Variants in PABPC3 observed in about 807,000 individuals in gnomAD.
PABPC3 encodes the protein polyadenylate-binding protein 3.
In PABPC3, 43 loss-of-function variants were observed where a neutral mutation model predicts 43.0. The observed-to-expected ratio is 1.00, with a 90% CI of 0.78 to 1.29. The LOEUF (loss-of-function observed/expected upper bound fraction) is 1.29. PABPC3 is among the 50% of genes most tolerant of loss of function. PABPC3 has a pLI of 0.00. For missense variants in PABPC3, 784 were observed against 798.1 expected (o/e 0.98, Z 0.21); for synonymous variants, 221 against 274.6 (o/e 0.80, Z 1.93).
At position 25,096,137 on chromosome 13, in the gene PABPC3, C is replaced by T; in HGVS notation, c.-62C>T. ...TCCGGCTACGCCCCCGGCCCCGGCA[C>T]GCGCTCTACTCCTGTAACGGAAAGG... On this transcript the variant is annotated 5_prime_UTR_variant, in exon 1 of 1. In the 5' UTR this introduces an upstream ATG that the reference lacks. Coordinates refer to ENST00000281589, the MANE Select transcript of PABPC3 (RefSeq NM_030979.3). The T allele has an allele frequency of 2.0e-6, 3 of 1,516,388 alleles. 1 individual carries two copies. Among genetic ancestry groups the T allele is most frequent in the South Asian group, 2.5e-5 (2 of 79,160 alleles). The allele number at this position is 1,516,388 out of a possible 1,614,324, so 93.9% of individuals were successfully genotyped here. A position where few individuals can be genotyped will look rare whatever the true frequency, so the allele number is the denominator to read the frequency against.
chr13:25,096,259 G>C lies in PABPC3; in HGVS notation c.61G>C (p.Asp21His). The change falls in exon 1 of 1, where the codon GAC (aspartate) becomes CAC (histidine). Residue 21 changes from aspartate (D) to histidine (H), a missense_variant. Asp to His is a moderately conservative substitution (Grantham distance 81, BLOSUM62 -1). Transcript: ENST00000281589. Reference sequence around the variant, plus strand: ...GCTCTACGTGGGGGACCTCCACCCCGACGTGACTGAGGCGATGCTCTACGA... The same window carrying C: ...GCTCTACGTGGGGGACCTCCACCCCCACGTGACTGAGGCGATGCTCTACGA... ...ASLYVGDLHPDVTEAMLYEKF... is the reference protein window; with the variant it reads ...ASLYVGDLHPHVTEAMLYEKF... The C allele has an allele frequency of 6.2e-7, 1 of 1,614,226 alleles. No individual in the cohort carries two copies.
rs1956066610 is a variant in PABPC3 at position 25,099,241 on chromosome 13, A to G, written c.*1147A>G. On this transcript the variant is annotated 3_prime_UTR_variant, in exon 1 of 1. Coordinates refer to ENST00000281589, the MANE Select transcript of PABPC3 (RefSeq NM_030979.3). Reference sequence around the variant, plus strand: ...ATACCATATTACTTTGCAATAAACTATGTATTATAGAGAGATGGTCACTAT... The same window carrying G: ...ATACCATATTACTTTGCAATAAACTGTGTATTATAGAGAGATGGTCACTAT... The G allele has an allele frequency of 6.0e-6, 1 of 165,736 alleles. No homozygotes were observed. The highest frequency in any genetic ancestry group is 2.1e-4 in the South Asian group (1 of 4,820). The allele number at this position is 165,736 out of a possible 1,614,324, so 10.3% of individuals were successfully genotyped here.
At position 25,098,685 on chromosome 13, in the gene PABPC3, A is replaced by G. The variant is rs1203404868; in HGVS notation, c.*591A>G. 1 of 166,824 alleles carries G rather than the reference A, an allele frequency of 6.0e-6. No homozygotes were observed. 10.3% of individuals were successfully genotyped at this position (166,824 alleles called of 1,614,324 possible). A position where few individuals can be genotyped will look rare whatever the true frequency, so the allele number is the denominator to read the frequency against. The stretch of plus-strand genomic sequence containing the variant: ...CACCAAAATTTTAGGTCTTTACATA[A>G]TAGTGTTTATTTTTAATATTCATAA... On this transcript the variant is annotated 3_prime_UTR_variant, in exon 1 of 1. Coordinates refer to ENST00000281589, the MANE Select transcript of PABPC3 (RefSeq NM_030979.3).
chr13:25,097,240 A>C lies in PABPC3; in HGVS notation c.1042A>C (p.Lys348Gln). The stretch of plus-strand genomic sequence containing the variant: ...TTTCTCCTCCCCAGAAGAAGCCACT[A>C]AAGCAGTTACAGAAATGAACGGTAG... ...VCFSSPEEAT[K>Q]AVTEMNGRIV... The change falls in exon 1 of 1, where the codon AAA (lysine) becomes CAA (glutamine). Residue 348 changes from lysine to glutamine, a missense_variant. Lys to Gln is a moderately conservative substitution (Grantham distance 53, BLOSUM62 1). Transcript: ENST00000281589. The C allele has an allele frequency of 6.2e-7, 1 of 1,614,302 alleles. No homozygotes were observed. Among genetic ancestry groups the C allele is most frequent in the African/African-American group, 1.3e-5 (1 of 75,088 alleles).
At position 25,096,155 on chromosome 13, in the gene PABPC3, C is replaced by G. The variant is rs750347456; in HGVS notation, c.-44C>G. On this transcript the variant is annotated 5_prime_UTR_variant, in exon 1 of 1. Coordinates refer to ENST00000281589, the MANE Select transcript of PABPC3 (RefSeq NM_030979.3). ...CCCGGCACGCGCTCTACTCCTGTAA[C>G]GGAAAGGTCGCGGCTTGTGTGCCTG... 2.5e-6 allele frequency: 4 copies of G among 1,576,834 alleles called. No homozygotes were observed. The African/African-American group carries it at 4.1e-5, about 16-fold the overall frequency.
At position 25,097,491 on chromosome 13, in the gene PABPC3, G is replaced by T. The variant is rs150419749; in HGVS notation, c.1293G>T (p.Trp431Cys). 1.5e-4 allele frequency: 250 copies of T among 1,614,242 alleles called. No individual in the cohort carries two copies. In the East Asian group the frequency reaches 5.0e-3, roughly 33 times the overall value. Residue 431 changes from tryptophan (W) to cysteine (C), a missense_variant, in exon 1 of 1, where the codon TGG (tryptophan) becomes TGT (cysteine). Transcript: ENST00000281589. ...CTCGACTAAGACCAAGTCCTCGCTG[G>T]ACTGCTCAGGGTGCCAGACCTCATC... Reference protein sequence around the residue: ...QIARLRPSPRWTAQGARPHPF... With the variant: ...QIARLRPSPRCTAQGARPHPF...
rs374600584 is a variant in PABPC3, at chr13:25,096,814, C to T, written c.616C>T (p.Arg206Cys). 18 of 1,614,296 alleles carry T rather than the reference C, an allele frequency of 1.1e-5. No homozygotes were observed. Among genetic ancestry groups the T allele is most frequent in the Middle Eastern group, 1.6e-4 (1 of 6,062 alleles). The change falls in exon 1 of 1, where the codon CGC becomes TGC. Residue 206 changes from arginine (R) to cysteine (C), a missense_variant. By Grantham distance (180) the Arg-to-Cys change is radical. Coordinates refer to ENST00000281589, the MANE Select transcript of PABPC3 (RefSeq NM_030979.3). ...KNFGEDMDDE[R>C]LKDLFGKFGP... is the part of the protein sequence containing the mutation. Reference sequence around the variant, plus strand: ...TTTTGGAGAAGACATGGATGATGAGCGCCTTAAGGATCTCTTTGGCAAGTT... The same window carrying T: ...TTTTGGAGAAGACATGGATGATGAGTGCCTTAAGGATCTCTTTGGCAAGTT...
chr13:25,097,689 C>A lies in PABPC3; in HGVS notation c.1491C>A (p.Thr497=), dbSNP rs184056840. 5 of 1,585,246 alleles carry A rather than the reference C, an allele frequency of 3.2e-6. No homozygotes were observed. The Admixed American group carries it at 8.7e-5, about 27-fold the overall frequency. The stretch of plus-strand genomic sequence containing the variant: ...CAGCTGCTGCTGCTGCTGCAGCTAC[C>A]CCTGCTGTGCGCACGGTTCCACGGT... ...RPAAAAAAAA[T]PAVRTVPRYK... is the part of the protein sequence containing the mutation. Residue 497 remains threonine (T), a synonymous_variant, in exon 1 of 1, where the codon ACC becomes ACA. Coordinates refer to ENST00000281589, the MANE Select transcript of PABPC3 (RefSeq NM_030979.3).
Position 25,097,344 on chromosome 13 carries a change from T to C in PABPC3, c.1146T>C (p.Tyr382=). The change falls in exon 1 of 1, where the codon TAT becomes TAC. Residue 382 remains tyrosine (Y), a synonymous_variant. Transcript: ENST00000281589. ...GCCAGGCTTACCTCACTAACGAGTA[T>C]ATGCAGAGAATGGCAAGTGTACGAG... The part of the protein sequence containing the change: ...EERQAYLTNE[Y]MQRMASVRAV... The C allele has an allele frequency of 6.2e-7, 1 of 1,614,244 alleles. No homozygotes were observed.
chr13:25,096,334 T>G lies in PABPC3; in HGVS notation c.136T>G (p.Leu46Val). ...CCTCTCCATCCGGATCTGCAGGGAC[T>G]TGATCACCAGCGGCTCCTCCAACTA... ...PILSIRICRD[L>V]ITSGSSNYAY... The change falls in exon 1 of 1, where the codon TTG becomes GTG. Residue 46 changes from leucine to valine, a missense_variant. Transcript: ENST00000281589. 6.2e-7 allele frequency: 1 copy of G among 1,614,252 alleles called. No homozygotes were observed. The highest frequency in any genetic ancestry group is 8.5e-7 in the Non-Finnish European group (1 of 1,180,048).
Position 25,098,779 on chromosome 13 carries a change from TATTA to T in PABPC3, c.*689_*692del, listed in dbSNP as rs1264222361. 1 of 166,734 alleles carries T rather than the reference TATTA, an allele frequency of 6.0e-6. No individual in the cohort carries two copies. Among genetic ancestry groups the T allele is most frequent in the Non-Finnish European group, 1.5e-5 (1 of 68,066 alleles). The allele number at this position is 166,734 out of a possible 1,614,324, so 10.3% of individuals were successfully genotyped here. On this transcript the variant is annotated 3_prime_UTR_variant, in exon 1 of 1. Transcript: ENST00000281589. ...CATTTGTTCAAAATTGTAAGACAAT[TATTA>T]ATTTATACTGCATTATTTTTAAATA...
rs1956047890 is a variant in PABPC3 at position 25,097,322 on chromosome 13, A to G, written c.1124A>G (p.Gln375Arg). The change falls in exon 1 of 1, where the codon CAG becomes CGG. Residue 375 changes from glutamine (Q) to arginine (R), a missense_variant. Transcript: ENST00000281589. ...VALAQRKEER[Q>R]AYLTNEYMQR... ...TTAGCTCAGCGCAAAGAAGAGCGCCAGGCTTACCTCACTAACGAGTATATG... is the reference window on the plus strand; with the variant it reads ...TTAGCTCAGCGCAAAGAAGAGCGCCGGGCTTACCTCACTAACGAGTATATG... 6.2e-7 allele frequency: 1 copy of G among 1,614,274 alleles called. No individual in the cohort carries two copies. Among genetic ancestry groups the G allele is most frequent in the African/African-American group, 1.3e-5 (1 of 75,070 alleles).
rs1323759735 is a variant in PABPC3, at chr13:25,096,137, C to G, written c.-62C>G. The G allele has an allele frequency of 4.4e-5, 67 of 1,516,270 alleles. No homozygotes were observed. Among genetic ancestry groups the G allele is most frequent in the Middle Eastern group, 2.0e-4 (1 of 4,992 alleles). 93.9% of individuals were successfully genotyped at this position (1,516,270 alleles called of 1,614,324 possible). A position where few individuals can be genotyped will look rare whatever the true frequency, so the allele number is the denominator to read the frequency against. ...TCCGGCTACGCCCCCGGCCCCGGCA[C>G]GCGCTCTACTCCTGTAACGGAAAGG... On this transcript the variant is annotated 5_prime_UTR_variant, in exon 1 of 1. Coordinates refer to ENST00000281589, the MANE Select transcript of PABPC3 (RefSeq NM_030979.3).
chr13:25,097,037 T>C lies in PABPC3; in HGVS notation c.839T>C (p.Phe280Ser), dbSNP rs1168704886. ...VERQTELKRT[F>S]EQMKQDRITR... ...CGGCAGACGGAACTTAAGCGCACATTTGAACAGATGAAGCAAGATAGGATC... is the reference window on the plus strand; with the variant it reads ...CGGCAGACGGAACTTAAGCGCACATCTGAACAGATGAAGCAAGATAGGATC... The change falls in exon 1 of 1, where the codon TTT becomes TCT. Residue 280 changes from phenylalanine to serine, a missense_variant. Phe to Ser is a radical substitution (Grantham distance 155, BLOSUM62 -2). Coordinates refer to ENST00000281589, the MANE Select transcript of PABPC3 (RefSeq NM_030979.3). The C allele has an allele frequency of 1.2e-6, 2 of 1,610,960 alleles. No homozygotes were observed. The highest frequency in any genetic ancestry group is 1.4e-5 in the African/African-American group (1 of 73,988).
rs7990563 is a variant in PABPC3 at position 25,099,122 on chromosome 13, A to T, written c.*1028A>T. 14 of 166,034 alleles carry T rather than the reference A, an allele frequency of 8.4e-5. No homozygotes were observed. The highest frequency in any genetic ancestry group is 3.4e-4 in the African/African-American group (14 of 41,432). 10.3% of individuals were successfully genotyped at this position (166,034 alleles called of 1,614,324 possible). On this transcript the variant is annotated 3_prime_UTR_variant, in exon 1 of 1. Coordinates refer to ENST00000281589, the MANE Select transcript of PABPC3 (RefSeq NM_030979.3). Reference sequence around the variant, plus strand: ...AATATAAATATTTATAATTAATGTTACACCTAGTGAATTGTATAAAAGGAC... The same window carrying T: ...AATATAAATATTTATAATTAATGTTTCACCTAGTGAATTGTATAAAAGGAC...
chr13:25,098,654 C>T lies in PABPC3; in HGVS notation c.*560C>T, dbSNP rs1454094234. The T allele has an allele frequency of 6.0e-6, 1 of 166,536 alleles. No homozygotes were observed. Among genetic ancestry groups the T allele is most frequent in the Non-Finnish European group, 1.5e-5 (1 of 68,086 alleles). 10.3% of individuals were successfully genotyped at this position (166,536 alleles called of 1,614,324 possible). On this transcript the variant is annotated 3_prime_UTR_variant, in exon 1 of 1. Coordinates refer to ENST00000281589, the MANE Select transcript of PABPC3 (RefSeq NM_030979.3). ...CACTATATTTCAAATATGAAAATCA[C>T]TTTTTCACCAAAATTTTAGGTCTTT...
rs1164383827 is a variant in PABPC3, at chr13:25,099,010, GT to G, written c.*919del. ...TTCCTGCTGTAACAAATAAGGATAT[GT>G]TTCATCTACCTCTTCCCACCATCCC... is the stretch of plus-strand genomic sequence containing the variant. On this transcript the variant is annotated 3_prime_UTR_variant, in exon 1 of 1. Coordinates refer to ENST00000281589, the MANE Select transcript of PABPC3 (RefSeq NM_030979.3). 1 of 166,556 alleles carries G rather than the reference GT, an allele frequency of 6.0e-6. No homozygotes were observed. Among genetic ancestry groups the G allele is most frequent in the Non-Finnish European group, 1.5e-5 (1 of 67,972 alleles). The allele number at this position is 166,556 out of a possible 1,614,324, so 10.3% of individuals were successfully genotyped here. A position where few individuals can be genotyped will look rare whatever the true frequency, so the allele number is the denominator to read the frequency against.
In PABPC3 at chr13:25,098,070, T is replaced by G. The variant is rs751726008; in HGVS notation, c.1872T>G (p.Ser624Arg). Residue 624 changes from serine (S) to arginine (R), a missense_variant, in exon 1 of 1, where the codon AGT becomes AGG. Coordinates refer to ENST00000281589, the MANE Select transcript of PABPC3 (RefSeq NM_030979.3). ...AGGCTACCCAGAAAGCAGTTAACAG[T>G]GCTACCGGTGTTCCAACTGTTTAAA... is the stretch of plus-strand genomic sequence containing the variant. The part of the protein sequence containing the change: ...AKEATQKAVN[S>R]ATGVPTV 1.0e-5 allele frequency: 16 copies of G among 1,525,084 alleles called. No homozygotes were observed. Among genetic ancestry groups the G allele is most frequent in the Non-Finnish European group, 1.3e-5 (15 of 1,137,382 alleles). 94.5% of individuals were successfully genotyped at this position (1,525,084 alleles called of 1,614,324 possible). A position where few individuals can be genotyped will look rare whatever the true frequency, so the allele number is the denominator to read the frequency against.
rs750852015 is a variant in PABPC3, at chr13:25,096,762, A to G, written c.564A>G (p.Lys188=). The change falls in exon 1 of 1, where the codon AAA becomes AAG. Residue 188 remains lysine (K), a synonymous_variant. Coordinates refer to ENST00000281589, the MANE Select transcript of PABPC3 (RefSeq NM_030979.3). ...AAGCTGAACTTGGAGCTAGGGCAAA[A>G]GAGTTCCCCAATGTTTACATCAAGA... is the stretch of plus-strand genomic sequence containing the variant. The part of the protein sequence containing the change: ...EREAELGARA[K]EFPNVYIKNF... The G allele has an allele frequency of 6.2e-7, 1 of 1,614,304 alleles. No individual in the cohort carries two copies. Among genetic ancestry groups the G allele is most frequent in the Non-Finnish European group, 8.5e-7 (1 of 1,180,054 alleles).
Sources: gnomAD v4.1 joint callset for allele counts on GRCh38, gnomAD v4.1.1 for gene constraint, MANE v1.5 for transcripts, NCBI Gene and HGNC (gene_info 2026-07-23, HGNC 2026-07-21) for gene names.